PRIM2: variants seen among roughly 807,000 people sequenced by gnomAD.
PRIM2 encodes the protein DNA primase subunit 2.
PRIM2 carries 39 observed loss-of-function variants against 67.3 expected under a neutral mutation model. That is an observed-to-expected ratio of 0.58 (90% CI 0.45 to 0.76). The LOEUF (loss-of-function observed/expected upper bound fraction) is 0.76, where lower values mean the gene tolerates loss of function less well. Ranked by LOEUF, PRIM2 falls within the 30% of genes least tolerant of loss-of-function variation. PRIM2 has a pLI of 0.00. For missense variants in PRIM2, 398 were observed against 598.7 expected, an observed-to-expected ratio of 0.66 and a Z score of 3.50; for synonymous variants, 143 against 198.7, an observed-to-expected ratio of 0.72 and a Z score of 2.36.
chr6:57,351,257 C>T (rs918500051), intron 5 of PRIM2, among the ~76,000 whole-genome samples: 1 of 151,766 alleles, frequency 6.6e-6, no homozygotes, highest in Non-Finnish European at 1.5e-5. Flanking sequence ...TGAAATGCTC[C>T]AGTGAGCATT....
In PRIM2 at chr6:57,646,197, T is replaced by G; in HGVS notation, c.*39T>G. ...CCTTTTTCCTCAATAGCCTGTTTCC[T>G]GTTTTTAAGATTTTGCCTTTGTTGT... is the stretch of plus-strand genomic sequence containing the variant. On this transcript the variant is annotated 3_prime_UTR_variant, in exon 14 of 14. Transcript: ENST00000615550. 7.5e-7 allele frequency: 1 copy of G among 1,332,666 alleles called. No homozygotes were observed. Among genetic ancestry groups the G allele is most frequent in the South Asian group, 1.2e-5 (1 of 81,000 alleles). 82.6% of individuals were successfully genotyped at this position (1,332,666 alleles called of 1,614,324 possible).
chr6:57,282,183 T>A, the PRIM2 span, among the ~76,000 whole-genome samples: 1 of 152,242 alleles, frequency 6.6e-6, no homozygotes, highest in Non-Finnish European at 1.5e-5. Flanking sequence ...TTTGCATAGT[T>A]GTGTCTGTGT....
At chr6:57,603,054 T>C in intron 11 of PRIM2, among the ~76,000 whole-genome samples, 1 of 152,312 alleles carries the variant, frequency 6.6e-6, no homozygotes, top group South Asian at 2.1e-4. Flanking sequence ...TCATTGTGTA[T>C]TTTGCATAAC....
chr6:57,572,693 A>G (rs1248198336), intron 10 of PRIM2, among the ~76,000 whole-genome samples: 1 of 152,238 alleles, frequency 6.6e-6, no homozygotes, highest in African/African-American at 2.4e-5. Flanking sequence ...CCCTGCCATT[A>G]CAGTTCACTG....
the PRIM2 span, among the ~76,000 whole-genome samples, chr6:57,222,781 A>G: frequency 6.6e-6 from 1 of 152,228 alleles, no homozygotes; most frequent in East Asian, 1.9e-4. Flanking sequence ...ATAAAATAGA[A>G]TAGAAAAAAA....
At chr6:57,602,552 T>C (rs1221648165) in intron 11 of PRIM2, among the ~76,000 whole-genome samples, 2 of 152,216 alleles carry the variant, frequency 1.3e-5, no homozygotes, top group African/African-American at 4.8e-5. Flanking sequence ...AAGCCTTTTT[T>C]AGCCTAGCAG....
At chr6:57,613,692 G>A (rs1262209290) in intron 12 of PRIM2, among the ~76,000 whole-genome samples, 2 of 152,130 alleles carry the variant, frequency 1.3e-5, no homozygotes, top group Non-Finnish European at 2.9e-5. Context: ...TCTGGCATTC[G>A]TTCCTTGAGC....
At chr6:57,308,633 C>T in the PRIM2 span, among the ~76,000 whole-genome samples, 2 of 152,162 alleles carry the variant, frequency 1.3e-5, no homozygotes, top group Non-Finnish European at 2.9e-5. Flanking sequence ...TATCAATTAA[C>T]AGTTTTACTT....
chr6:57,228,828 G>C, the PRIM2 span, among the ~76,000 whole-genome samples: 1 of 152,204 alleles, frequency 6.6e-6, no homozygotes, highest in Admixed American at 6.5e-5. Flanking sequence ...ACTTCCTGGA[G>C]TTATTAGAGG....
the PRIM2 span, among the ~76,000 whole-genome samples, chr6:57,301,516 G>A: frequency 6.6e-6 from 1 of 151,830 alleles, no homozygotes; most frequent in Admixed American, 6.6e-5. Context: ...AAAAGAATAG[G>A]AGAGTCTGGG....
chr6:57,483,868 A>G (rs1474601956), intron 7 of PRIM2, among the ~76,000 whole-genome samples: 1 of 152,236 alleles, frequency 6.6e-6, no homozygotes, highest in Non-Finnish European at 1.5e-5. Context: ...GTAAGGTTAC[A>G]TAACTTGCAA....
chr6:57,417,167 A>G (rs1771293057), intron 7 of PRIM2, among the ~76,000 whole-genome samples: 1 of 151,986 alleles, frequency 6.6e-6, no homozygotes, highest in East Asian at 1.9e-4. Flanking sequence ...GGGTTTCACC[A>G]TGTTGGTCAG....
intron 10 of PRIM2, among the ~76,000 whole-genome samples, chr6:57,569,074 A>G (rs1407320243): frequency 8.1e-4 from 123 of 152,348 alleles, no homozygotes; most frequent in African/African-American, 2.9e-3. Context: ...AGTGATGATT[A>G]TTTGGGTCTG....
intron 7 of PRIM2, among the ~76,000 whole-genome samples, chr6:57,501,345 G>A (rs1181718831): frequency 6.6e-6 from 1 of 152,000 alleles, no homozygotes. Context: ...TGTCAGCCAG[G>A]CTGGACTGCA....
At chr6:57,613,407 A>T (rs1419073785) in intron 12 of PRIM2, among the ~76,000 whole-genome samples, 1 of 152,214 alleles carries the variant, frequency 6.6e-6, no homozygotes, top group African/African-American at 2.4e-5. Flanking sequence ...GAAAGAAAGT[A>T]TAATGTTATT....
chr6:57,511,458 T>A (rs1340320971), intron 8 of PRIM2, among the ~76,000 whole-genome samples: 1 of 151,978 alleles, frequency 6.6e-6, no homozygotes, highest in African/African-American at 2.4e-5. Context: ...GAACAAGTTA[T>A]AAAATTTGTA....
At chr6:57,240,757 T>C in the PRIM2 span, among the ~76,000 whole-genome samples, 1 of 152,100 alleles carries the variant, frequency 6.6e-6, no homozygotes, top group South Asian at 2.1e-4. Flanking sequence ...GAATACAGTA[T>C]ACGGTAAATT....
chr6:57,516,176 A>G (rs1554348244), intron 8 of PRIM2, among the ~76,000 whole-genome samples: 1 of 151,984 alleles, frequency 6.6e-6, no homozygotes, highest in Non-Finnish European at 1.5e-5. Context: ...AGATCAGACT[A>G]CAGGGATATC....
In PRIM2 at chr6:57,408,426, T is replaced by G. The variant is rs1275186190; in HGVS notation, c.693+26258T>G. On this transcript the variant is annotated intron_variant, in intron 7 of 13. Coordinates refer to ENST00000615550, the MANE Select transcript of PRIM2 (RefSeq NM_000947.5). ...CAGGTGATTGGTTTGACCAGGCATG[T>G]CATTCACATAGCCACCCACATAATA... Among the ~76,000 whole-genome samples the G allele has an allele frequency of 7.2e-5, 11 of 152,322 alleles. No individual in the cohort carries two copies. The East Asian group carries it at 1.3e-3, about 19-fold the overall frequency.
Sources: allele counts gnomAD v4.1 joint callset (sites outside exome capture counted in the v4.1 genomes callset), GRCh38; gene constraint gnomAD v4.1.1; transcripts MANE v1.5; gene names NCBI Gene and HGNC (gene_info 2026-07-23, HGNC 2026-07-21).